The following PDE1C variants were observed in gnomAD, a reference collection of about 807,000 sequenced individuals.
PDE1C encodes the protein phosphodiesterase 1C.
A neutral mutation model predicts 93.1 loss-of-function variants in PDE1C; 62 were observed. That is an observed-to-expected ratio of 0.67 (90% CI 0.54 to 0.82). The LOEUF (loss-of-function observed/expected upper bound fraction) is 0.82. Ranked by LOEUF, PDE1C falls within the 40% of genes least tolerant of loss-of-function variation. PDE1C has a pLI of 0.00. For missense variants in PDE1C, 742 were observed against 884.6 expected, an observed-to-expected ratio of 0.84 and a Z score of 2.04; for synonymous variants, 325 against 310.1, an observed-to-expected ratio of 1.05 and a Z score of -0.50.
upstream of PDE1C, among the ~76,000 whole-genome samples, chr7:32,074,877 G>A (rs927668150): frequency 6.6e-6 from 1 of 152,184 alleles, no homozygotes; most frequent in Non-Finnish European, 1.5e-5. Flanking sequence ...AATGTGACAC[G>A]GAACAGAAAG....
At chr7:32,263,451 C>T (rs1418216771) in intron 1 of PDE1C, among the ~76,000 whole-genome samples, 2 of 152,042 alleles carry the variant, frequency 1.3e-5, no homozygotes, top group South Asian at 2.1e-4. Flanking sequence ...AAGTTACATA[C>T]ATTATGGCCT....
chr7:32,109,752 G>C (rs1159167653), intron 3 of PDE1C, among the ~76,000 whole-genome samples: 1 of 150,918 alleles, frequency 6.6e-6, no homozygotes, highest in Non-Finnish European at 1.5e-5. Flanking sequence ...TAGAATAACA[G>C]GTGATTTGTC....
intron 2 of PDE1C, among the ~76,000 whole-genome samples, chr7:32,004,800 C>T (rs1054325475): frequency 6.6e-6 from 1 of 152,286 alleles, no homozygotes; most frequent in African/African-American, 2.4e-5. Flanking sequence ...CTATCACATA[C>T]CACAGAAATA....
intron 17 of PDE1C, among the ~76,000 whole-genome samples, chr7:31,774,545 C>T (rs1795706401): frequency 6.6e-6 from 1 of 152,146 alleles, no homozygotes; most frequent in African/African-American, 2.4e-5. Context: ...TATGGTAAAT[C>T]CGTACTTACA....
intron 1 of PDE1C, among the ~76,000 whole-genome samples, chr7:32,245,675 A>AC (rs1338400728): frequency 6.6e-6 from 1 of 152,214 alleles, no homozygotes; most frequent in Non-Finnish European, 1.5e-5. Flanking sequence ...TAGGTGTCTC[A>AC]CAAACAACAG....
chr7:31,677,808 T>G, the PDE1C span, among the ~76,000 whole-genome samples: 1 of 152,082 alleles, frequency 6.6e-6, no homozygotes, highest in Non-Finnish European at 1.5e-5. Context: ...TCATAAAAAC[T>G]TAGAGATACA....
intron 1 of PDE1C, among the ~76,000 whole-genome samples, chr7:32,271,146 A>G (rs977102894): frequency 6.6e-6 from 1 of 152,160 alleles, no homozygotes; most frequent in East Asian, 1.9e-4. Context: ...TCAAAACGAC[A>G]ACAACAACAA....
chr7:31,652,856 A>G, the PDE1C span: 429 of 1,597,996 alleles, frequency 2.7e-4, 4 homozygotes, highest in South Asian at 4.5e-3. Flanking sequence ...TAACCTTCAT[A>G]CAAAATATAA....
At chr7:31,735,173 C>T in the PDE1C span, among the ~76,000 whole-genome samples, 3 of 152,094 alleles carry the variant, frequency 2.0e-5, no homozygotes, top group Non-Finnish European at 4.4e-5. Flanking sequence ...CTGAGATGGG[C>T]GGATCACTTG....
chr7:32,181,740 C>G (rs1803445073), intron 2 of PDE1C, among the ~76,000 whole-genome samples: 1 of 151,990 alleles, frequency 6.6e-6, no homozygotes, highest in Admixed American at 6.6e-5. Flanking sequence ...ATTAAAAGAA[C>G]TAGAAAAGCA....
intron 7 of PDE1C, among the ~76,000 whole-genome samples, chr7:31,861,835 C>T (rs1456570186): frequency 6.6e-6 from 1 of 152,170 alleles, no homozygotes; most frequent in Non-Finnish European, 1.5e-5. Context: ...GGTCACATCA[C>T]TTCCCTGTCT....
intron 9 of PDE1C, 24 bp downstream of exon 9, chr7:31,847,944 A>G: frequency 8.1e-6 from 13 of 1,611,270 alleles, no homozygotes; most frequent in Non-Finnish European, 1.1e-5. Flanking sequence ...TGGCCTACAA[A>G]TCTCTCTCTT....
At chr7:32,252,685 G>A (rs932176389) in intron 1 of PDE1C, among the ~76,000 whole-genome samples, 4 of 152,104 alleles carry the variant, frequency 2.6e-5, no homozygotes, top group Admixed American at 6.5e-5. Context: ...AGGAAGGCAG[G>A]GCCAGAGTCC....
intron 1 of PDE1C, among the ~76,000 whole-genome samples, chr7:32,323,060 T>C (rs543201439): frequency 6.6e-6 from 1 of 152,004 alleles, no homozygotes; most frequent in Non-Finnish European, 1.5e-5. Context: ...TGGGGAGAGA[T>C]TTAAGGCATT....
At chr7:31,929,129 G>A (rs922580757) in intron 2 of PDE1C, among the ~76,000 whole-genome samples, 11 of 151,712 alleles carry the variant, frequency 7.3e-5, no homozygotes, top group Non-Finnish European at 1.5e-4. Flanking sequence ...AAAAGCAGGG[G>A]TTGCAATCCT....
At chr7:32,112,844 G>GTATA (rs1227112323) in intron 3 of PDE1C, among the ~76,000 whole-genome samples, 27 of 54,124 alleles carry the variant, frequency 5.0e-4, no homozygotes, top group African/African-American at 1.1e-3. Context: ...GTGTGTGTGT[G>GTATA]TGTATATATA....
At chr7:32,183,995 A>C (rs1315988352) in intron 2 of PDE1C, among the ~76,000 whole-genome samples, 1 of 152,236 alleles carries the variant, frequency 6.6e-6, no homozygotes, top group African/African-American at 2.4e-5. Context: ...AAGGATATGA[A>C]CAGACACTTC....
In PDE1C at chr7:32,420,180, CACATATAT is replaced by C. The variant is rs1463771237; in HGVS notation, c.310+7634_310+7641del. ...ACACATATATATGTGTATATATATA[CACATATAT>C]ATGTGTATATATATACATATATATG... is the stretch of plus-strand genomic sequence containing the variant. On this transcript the variant is annotated intron_variant, in intron 1 of 1. Coordinates refer to the PDE1C transcript ENST00000672256. Among the ~76,000 whole-genome samples the C allele has an allele frequency of 2.1e-3, 50 of 23,638 alleles. 1 individual carries two copies. Among genetic ancestry groups the C allele is most frequent in the Non-Finnish European group, 3.8e-3 (41 of 10,670 alleles). The allele number at this position is 23,638 out of a possible 152,430, so 15.5% of individuals were successfully genotyped here.
the PDE1C span, among the ~76,000 whole-genome samples, chr7:31,660,774 A>G: frequency 6.6e-6 from 1 of 152,070 alleles, no homozygotes; most frequent in Admixed American, 6.6e-5. Flanking sequence ...AAGCCAATTA[A>G]TACCACATAC....
Sources: allele counts gnomAD v4.1 joint callset (sites outside exome capture counted in the v4.1 genomes callset), GRCh38; gene constraint gnomAD v4.1.1; transcripts MANE v1.5; gene names NCBI Gene and HGNC (gene_info 2026-07-23, HGNC 2026-07-21).